The following CBR4 variants were observed in gnomAD, a reference collection of about 807,000 sequenced individuals.
CBR4 encodes the protein carbonyl reductase 4.
CBR4 carries 22 observed loss-of-function variants against 21.0 expected under a neutral mutation model. The ratio of observed to expected loss-of-function variants is 1.05; its 90% CI spans 0.75 to 1.50. The LOEUF is 1.50. CBR4 is among the 40% of genes most tolerant of loss of function. The pLI, the probability that CBR4 is intolerant of heterozygous loss-of-function variation, is 0.00. For missense variants in CBR4, 302 were observed against 286.3 expected, an observed-to-expected ratio of 1.05 and a Z score of -0.40; for synonymous variants, 100 against 104.4, an observed-to-expected ratio of 0.96 and a Z score of 0.26.
intron 4 of CBR4, 31 bp from the exon 5 acceptor site, chr4:168,990,359 G>C: frequency 3.9e-6 from 6 of 1,519,988 alleles, no homozygotes; most frequent in Non-Finnish European, 4.4e-6. Context: ...TAGTTGAAAA[G>C]GGTACACACT....
At position 168,988,543 on chromosome 4, in the gene CBR4, T is replaced by C. The variant is rs1764773253; in HGVS notation, c.*1607A>G. On this transcript the variant is annotated 3_prime_UTR_variant, in exon 5 of 5. Coordinates refer to ENST00000306193, the MANE Select transcript of CBR4 (RefSeq NM_032783.5). Reference sequence around the variant, plus strand: ...AGACAGCATTAGAGAAACTATCTACTATGTCTGAATAAGCTCCCCTACCTT... The same window carrying C: ...AGACAGCATTAGAGAAACTATCTACCATGTCTGAATAAGCTCCCCTACCTT... The C allele has an allele frequency of 6.1e-6, 6 of 985,282 alleles. No individual in the cohort carries two copies. Among genetic ancestry groups the C allele is most frequent in the Admixed American group, 6.1e-5 (1 of 16,262 alleles). The allele number at this position is 985,282 out of a possible 1,614,324, so 61.0% of individuals were successfully genotyped here. A position where few individuals can be genotyped will look rare whatever the true frequency, so the allele number is the denominator to read the frequency against.
chr4:168,920,587 C>T (rs551132639), intron 2 of CBR4, among the ~76,000 whole-genome samples: 10 of 152,252 alleles, frequency 6.6e-5, no homozygotes, highest in South Asian at 4.1e-4. Context: ...TGGCAGATGG[C>T]GACCATCCTG....
At chr4:168,979,787 C>T (rs560177868) in intron 2 of CBR4, among the ~76,000 whole-genome samples, 2 of 152,156 alleles carry the variant, frequency 1.3e-5, no homozygotes, top group Non-Finnish European at 2.9e-5. Flanking sequence ...TCTGCATTTC[C>T]CAGGGGCGGA....
At chr4:168,946,768 T>C (rs1036700829) in intron 2 of CBR4, among the ~76,000 whole-genome samples, 1 of 152,190 alleles carries the variant, frequency 6.6e-6, no homozygotes, top group Non-Finnish European at 1.5e-5. Flanking sequence ...TCTGTGGTCC[T>C]CAGTCATTTT....
At chr4:168,993,258 T>C (rs1374332953) in intron 4 of CBR4, among the ~76,000 whole-genome samples, 1 of 151,198 alleles carries the variant, frequency 6.6e-6, no homozygotes, top group Non-Finnish European at 1.5e-5. Context: ...GTCACCAGGC[T>C]GGAATGCAGT....
rs572504778 is a variant in CBR4 at position 168,902,506 on chromosome 4, G to T, written n.170-7741C>A. Among the ~76,000 whole-genome samples the T allele has an allele frequency of 5.7e-4, 87 of 152,202 alleles. 1 individual carries two copies. The highest frequency in any genetic ancestry group is 2.1e-3 in the African/African-American group (86 of 41,500). ...ATAATAATGAACTTAGCCAGGCATG[G>T]TGGCTCACACTTGTAATCCCAGCTA... On this transcript the variant is annotated intron_variant and non_coding_transcript_variant, in intron 2 of 3. Transcript: ENST00000509108.
chr4:168,952,458 C>T (rs1308697211), intron 2 of CBR4, among the ~76,000 whole-genome samples: 2 of 152,008 alleles, frequency 1.3e-5, no homozygotes, highest in South Asian at 2.1e-4. Context: ...TTGCTGCTGA[C>T]CTAGTGTGAT....
Position 168,989,554 on chromosome 4 carries a change from T to C in CBR4, c.*596A>G. 1 of 985,458 alleles carries C rather than the reference T, an allele frequency of 1.0e-6. No homozygotes were observed. Among genetic ancestry groups the C allele is most frequent in the Non-Finnish European group, 1.2e-6 (1 of 829,924 alleles). The allele number at this position is 985,458 out of a possible 1,614,324, so 61.0% of individuals were successfully genotyped here. A position where few individuals can be genotyped will look rare whatever the true frequency, so the allele number is the denominator to read the frequency against. ...CATGCAAAAGGAATATAGTTATCTT[T>C]AGTGGGCTTGCTAAAGTATTGACAA... On this transcript the variant is annotated 3_prime_UTR_variant, in exon 5 of 5. Transcript: ENST00000306193.
intron 2 of CBR4, chr4:168,924,828 C>T: frequency 3.1e-6 from 3 of 983,604 alleles, no homozygotes; most frequent in Admixed American, 1.8e-5. Flanking sequence ...TAAGTATGAC[C>T]CTATTATCAG....
intron 4 of CBR4, among the ~76,000 whole-genome samples, chr4:168,997,499 C>T (rs1226707647): frequency 6.6e-6 from 1 of 152,116 alleles, no homozygotes; most frequent in Non-Finnish European, 1.5e-5. Flanking sequence ...ACTACTGAGG[C>T]AGGAGGATCG....
chr4:168,984,418 G>GA (rs200996814), downstream of CBR4, among the ~76,000 whole-genome samples: 759 of 150,238 alleles, frequency 5.1e-3, 7 homozygotes, highest in Admixed American at 5.6e-3. Context: ...ACAAACAAAT[G>GA]AAAAAAAAAT....
At chr4:169,002,316 C>T in intron 3 of CBR4, 111 bp from the exon 4 acceptor site, 2 of 1,105,224 alleles carry the variant, frequency 1.8e-6, no homozygotes, top group Non-Finnish European at 2.4e-6. Flanking sequence ...CCCACTTCAC[C>T]TTGTCCTTTG....
Position 168,924,355 on chromosome 4 carries a change from G to A in CBR4, n.170-29590C>T, listed in dbSNP as rs372166299. The A allele has an allele frequency of 1.2e-6, 2 of 1,613,792 alleles. No individual in the cohort carries two copies. The highest frequency in any genetic ancestry group is 2.7e-5 in the African/African-American group (2 of 74,896). Reference sequence around the variant, plus strand: ...GGCTGGAATGTCGTGTATTGGGAGTGCCACCACCTCAGATATTTTGGAAGA... The same window carrying A: ...GGCTGGAATGTCGTGTATTGGGAGTACCACCACCTCAGATATTTTGGAAGA... On this transcript the variant is annotated intron_variant and non_coding_transcript_variant, in intron 2 of 3. Coordinates refer to the CBR4 transcript ENST00000509108.
chr4:168,981,100 C>G (rs1388965675), intron 2 of CBR4, among the ~76,000 whole-genome samples: 1 of 151,948 alleles, frequency 6.6e-6, no homozygotes. Flanking sequence ...TGAAAATAGC[C>G]ATTTTAAGAA....
chr4:168,898,257 A>G (rs1581992840), intron 2 of CBR4: 1 of 551,428 alleles, frequency 1.8e-6, no homozygotes, highest in Admixed American at 3.1e-5. Context: ...AAAAAAATTC[A>G]TCTTTCCTAC....
chr4:168,985,002 G>C (rs1359708719), downstream of CBR4, among the ~76,000 whole-genome samples: 1 of 152,090 alleles, frequency 6.6e-6, no homozygotes, highest in African/African-American at 2.4e-5. Flanking sequence ...ATGGGCCCAG[G>C]TAAAAACTTG....
intron 2 of CBR4, among the ~76,000 whole-genome samples, chr4:168,981,939 T>C (rs1005107782): frequency 6.6e-6 from 1 of 152,176 alleles, no homozygotes; most frequent in African/African-American, 2.4e-5. Context: ...TGAAAGACCA[T>C]TACTGATCAC....
In CBR4 at chr4:169,010,199, A is replaced by AT; in HGVS notation, c.-111_-110insA. ...CCAAAAAAAAAAAAAAGAAAAAAAA[A>AT]GGCAAACCGCAAAAAAAAATAACGC... On this transcript the variant is annotated 5_prime_UTR_variant, in exon 1 of 5. Coordinates refer to ENST00000306193, the MANE Select transcript of CBR4 (RefSeq NM_032783.5). 2 of 1,019,190 alleles carry AT rather than the reference A, an allele frequency of 2.0e-6. No individual in the cohort carries two copies. Among genetic ancestry groups the AT allele is most frequent in the African/African-American group, 1.6e-5 (1 of 61,142 alleles). The allele number at this position is 1,019,190 out of a possible 1,614,324, so 63.1% of individuals were successfully genotyped here.
chr4:168,940,425 C>A (rs1206397723), intron 2 of CBR4, among the ~76,000 whole-genome samples: 1 of 152,112 alleles, frequency 6.6e-6, no homozygotes, highest in Non-Finnish European at 1.5e-5. Context: ...GCAACAAAAG[C>A]CAAAATTGAC....
Sources: gnomAD v4.1 joint callset for allele counts (sites outside exome capture counted in the v4.1 genomes callset) on GRCh38, gnomAD v4.1.1 for gene constraint, MANE v1.5 for transcripts, NCBI Gene and HGNC (gene_info 2026-07-23, HGNC 2026-07-21) for gene names.